EVA1C: variants seen among roughly 807,000 people sequenced by gnomAD.
The protein encoded by EVA1C is protein eva-1 homolog C.
A neutral mutation model predicts 45.4 loss-of-function variants in EVA1C; 25 were observed. The observed-to-expected ratio is 0.55, with a 90% confidence interval of 0.40 to 0.77. EVA1C has a LOEUF of 0.77. EVA1C is among the 30% of genes least tolerant of loss of function. EVA1C has a pLI of 0.00. For missense variants in EVA1C, 479 were observed against 554.8 expected (o/e 0.86, Z 1.37); for synonymous variants, 190 against 221.2 (o/e 0.86, Z 1.25).
At chr21:32,445,757 C>T (rs1414598915) in intron 1 of EVA1C, among the ~76,000 whole-genome samples, 1 of 152,172 alleles carries the variant, frequency 6.6e-6, no homozygotes, top group African/African-American at 2.4e-5. Flanking sequence ...AACCTAAGAA[C>T]TTTGGTCTAA....
chr21:32,476,619 C>A (rs921394978), intron 4 of EVA1C, among the ~76,000 whole-genome samples: 2 of 151,964 alleles, frequency 1.3e-5, no homozygotes, highest in African/African-American at 4.8e-5. Context: ...CCAGCCTGGA[C>A]AACAAGAGTG....
chr21:32,498,647 T>G (rs1003550347), intron 5 of EVA1C, among the ~76,000 whole-genome samples: 3 of 152,050 alleles, frequency 2.0e-5, no homozygotes, highest in Admixed American at 2.0e-4. Flanking sequence ...AGAACCATAC[T>G]GTAGGGTGAA....
At chr21:32,453,653 G>A in intron 2 of EVA1C, 145 bp downstream of exon 2, 1 of 602,630 alleles carries the variant, frequency 1.7e-6, no homozygotes, top group Non-Finnish European at 2.9e-6. Flanking sequence ...CAGATCACCA[G>A]TTTTGTAGGT....
chr21:32,493,057 C>T (rs951361159), intron 4 of EVA1C, among the ~76,000 whole-genome samples: 3 of 152,116 alleles, frequency 2.0e-5, no homozygotes, highest in African/African-American at 7.2e-5. Flanking sequence ...CTACAGTGGG[C>T]CAGGTGTGGG....
intron 2 of EVA1C, among the ~76,000 whole-genome samples, chr21:32,456,515 T>C (rs2043142595): frequency 1.3e-5 from 2 of 152,142 alleles, no homozygotes; most frequent in South Asian, 4.1e-4. Flanking sequence ...CTTGGGTATT[T>C]TTTCCTGATT....
At chr21:32,472,427 T>G (rs901243916) in intron 4 of EVA1C, among the ~76,000 whole-genome samples, 6 of 152,192 alleles carry the variant, frequency 3.9e-5, no homozygotes, top group African/African-American at 7.2e-5. Flanking sequence ...CCCAAAGTGC[T>G]GGGATTACAG....
chr21:32,508,871 T>C (rs1467458963), intron 7 of EVA1C, among the ~76,000 whole-genome samples: 1 of 152,194 alleles, frequency 6.6e-6, no homozygotes, highest in Non-Finnish European at 1.5e-5. Context: ...GAGGCTCCCA[T>C]GGGCATGCAA....
In EVA1C at chr21:32,495,315, C is replaced by T. The variant is rs2037314446; in HGVS notation, c.778+145C>T. 1.8e-5 allele frequency: 13 copies of T among 713,892 alleles called. No homozygotes were observed. In the South Asian group the frequency reaches 3.2e-4, roughly 17 times the overall value. The allele number at this position is 713,892 out of a possible 1,614,324, so 44.2% of individuals were successfully genotyped here. A position where few individuals can be genotyped will look rare whatever the true frequency, so the allele number is the denominator to read the frequency against. Reference sequence around the variant, plus strand: ...TTTGGTCATCCCAGATACCCGAGAGCCCTTTTTTTCTTTCTTATTCTTGTT... The same window carrying T: ...TTTGGTCATCCCAGATACCCGAGAGTCCTTTTTTTCTTTCTTATTCTTGTT... On this transcript the variant is annotated intron_variant, in intron 5 of 7. Transcript: ENST00000300255.
intron 1 of EVA1C, among the ~76,000 whole-genome samples, chr21:32,432,684 T>C (rs1011983798): frequency 2.0e-5 from 3 of 152,170 alleles, no homozygotes; most frequent in African/African-American, 7.2e-5. Context: ...TCCCTTTTTC[T>C]CAGTTTTGGC....
chr21:32,505,169 C>G (rs1173433128), intron 7 of EVA1C, among the ~76,000 whole-genome samples: 2 of 152,034 alleles, frequency 1.3e-5, no homozygotes, highest in Admixed American at 6.6e-5. Flanking sequence ...ACAGCCAAAC[C>G]ATATTGGGGA....
chr21:32,492,310 C>T (rs1165525000), intron 4 of EVA1C, among the ~76,000 whole-genome samples: 1 of 151,956 alleles, frequency 6.6e-6, no homozygotes, highest in South Asian at 2.1e-4. Flanking sequence ...ATGTGATCTC[C>T]TCAAAGGGAT....
At chr21:32,461,844 C>A (rs8134064) in intron 3 of EVA1C, among the ~76,000 whole-genome samples, 11,745 of 152,150 alleles carry the variant, frequency 0.077, 1,225 homozygotes, top group African/African-American at 0.23. Flanking sequence ...TAGGTTTCAG[C>A]GAGGCTTGGA....
intron 3 of EVA1C, among the ~76,000 whole-genome samples, chr21:32,460,072 A>G (rs1406372922): frequency 6.6e-6 from 1 of 152,176 alleles, no homozygotes. Context: ...CTATCGTGTG[A>G]GGTTTCATCT....
Position 32,482,821 on chromosome 21 carries a change from G to T in EVA1C, c.635-12206G>T, listed in dbSNP as rs146385319. On this transcript the variant is annotated intron_variant, in intron 4 of 7. Coordinates refer to ENST00000300255, the MANE Select transcript of EVA1C (RefSeq NM_058187.5). ...GGAACCACTGTCCTGCCCCCTTCAG[G>T]GTTTGGGGGTGGTCACATCCCAGTG... Among the ~76,000 whole-genome samples, 86 of 99,556 alleles carry T rather than the reference G, an allele frequency of 8.6e-4. 1 individual carries two copies. In the East Asian group the frequency reaches 0.024, roughly 28 times the overall value. The allele number at this position is 99,556 out of a possible 152,430, so 65.3% of individuals were successfully genotyped here.
At chr21:32,488,227 C>T (rs1027421755) in intron 4 of EVA1C, among the ~76,000 whole-genome samples, 28 of 152,270 alleles carry the variant, frequency 1.8e-4, no homozygotes, top group African/African-American at 5.8e-4. Flanking sequence ...AGACATTTCT[C>T]CAAGAAAGAC....
rs1377381870 is a variant in EVA1C at position 32,412,726 on chromosome 21, G to C, written c.-128G>C. The C allele has an allele frequency of 9.9e-7, 1 of 1,006,592 alleles. No homozygotes were observed. Among genetic ancestry groups the C allele is most frequent in the Non-Finnish European group, 1.3e-6 (1 of 758,250 alleles). The allele number at this position is 1,006,592 out of a possible 1,614,324, so 62.4% of individuals were successfully genotyped here. ...CAGGGGAGGAGGCTCTGGCAGCCTG[G>C]GCAGGGAGGCGGCGGGGGGCCGCGG... On this transcript the variant is annotated 5_prime_UTR_variant, in exon 1 of 8. Coordinates refer to ENST00000300255, the MANE Select transcript of EVA1C (RefSeq NM_058187.5).
intron 3 of EVA1C, among the ~76,000 whole-genome samples, chr21:32,465,604 T>C (rs186203623): frequency 3.9e-5 from 6 of 152,324 alleles, no homozygotes; most frequent in Admixed American, 1.3e-4. Context: ...GTCCCCTTTA[T>C]ATTTTGCTGA....
chr21:32,445,998 C>T (rs950822644), intron 1 of EVA1C, among the ~76,000 whole-genome samples: 4 of 152,116 alleles, frequency 2.6e-5, no homozygotes, highest in Non-Finnish European at 5.9e-5. Context: ...AATCCCAGCA[C>T]TTTGGGAGGC....
At chr21:32,447,242 G>A (rs1407477320) in intron 1 of EVA1C, among the ~76,000 whole-genome samples, 7 of 151,978 alleles carry the variant, frequency 4.6e-5, no homozygotes, top group Non-Finnish European at 7.4e-5. Flanking sequence ...GCATGGTGGC[G>A]GGCACTGTAG....
Sources: gnomAD v4.1 joint callset for allele counts (sites outside exome capture counted in the v4.1 genomes callset) on GRCh38, gnomAD v4.1.1 for gene constraint, MANE v1.5 for transcripts, NCBI Gene and HGNC (gene_info 2026-07-23, HGNC 2026-07-21) for gene names.